The following ZBP1 variants were observed in gnomAD, a reference collection of about 807,000 sequenced individuals.
ZBP1 encodes the protein Z-DNA-binding protein 1.
ZBP1 carries 42 observed loss-of-function variants against 41.1 expected under a neutral mutation model. That is an observed-to-expected ratio of 1.02 (90% CI 0.80 to 1.32). The LOEUF (loss-of-function observed/expected upper bound fraction) is 1.32, where lower values mean the gene tolerates loss of function less well. Ranked by LOEUF, ZBP1 falls within the 40% of genes most tolerant of loss-of-function variation. ZBP1 has a pLI of 0.00. For synonymous variants in ZBP1, 214 were observed against 205.2 expected (o/e 1.04, Z -0.37); for missense variants, 562 against 549.7 (o/e 1.02, Z -0.22).
chr20:57,616,528 G>T (rs2070836599), intron 1 of ZBP1, 60 bp from the exon 2 acceptor site: 2 of 1,593,538 alleles, frequency 1.3e-6, no homozygotes, highest in African/African-American at 2.7e-5. Flanking sequence ...CCACAGTTGA[G>T]CCCAGGCTGG....
rs745457406 is a variant in ZBP1 at position 57,620,249 on chromosome 20, A to G, written c.34+13T>C. 5.8e-5 allele frequency: 92 copies of G among 1,586,396 alleles called. 1 individual carries two copies. In the South Asian group the frequency reaches 1.0e-3, roughly 17 times the overall value. On this transcript the variant is annotated intron_variant, in intron 1 of 7. Coordinates refer to ENST00000371173, the MANE Select transcript of ZBP1 (RefSeq NM_030776.3). ...GAGCTACCGCTGGTCCTTGGAAGGAAGAAGTACTGTACCTTCTCTGCCCGG... is the reference window on the plus strand; with the variant it reads ...GAGCTACCGCTGGTCCTTGGAAGGAGGAAGTACTGTACCTTCTCTGCCCGG...
intron 6 of ZBP1, among the ~76,000 whole-genome samples, chr20:57,611,069 C>T (rs1009820871): frequency 6.6e-6 from 1 of 152,182 alleles, no homozygotes; most frequent in Non-Finnish European, 1.5e-5. Context: ...GTCACTGCAG[C>T]CACAGCTCCT....
intron 3 of ZBP1, 143 bp downstream of exon 3, chr20:57,615,369 T>C: frequency 3.3e-6 from 3 of 899,646 alleles, no homozygotes; most frequent in Non-Finnish European, 5.3e-6. Context: ...GGGTCTTGGC[T>C]CTGAACACTG....
chr20:57,620,192 A>G, intron 1 of ZBP1, 70 bp downstream of exon 1: 1 of 1,520,836 alleles, frequency 6.6e-7, no homozygotes, highest in South Asian at 1.2e-5. Flanking sequence ...CAAGCGAAAC[A>G]GGAGGAAAGA....
rs2070728310 is a variant in ZBP1 at position 57,613,328 on chromosome 20, C to T, written c.505G>A (p.Asp169Asn). The stretch of plus-strand genomic sequence containing the variant: ...GCTGACTTTGCTCTTCTTCCAGAAT[C>T]TTCTGCAAAATAATATTCAACTGTA... ...SKAWTIYRPE[D>N]SGRRAKSASI... Residue 169 changes from aspartate (D) to asparagine (N), a missense_variant and splice_region_variant, in exon 5 of 8, where the codon GAT (aspartate) becomes AAT (asparagine). Physicochemically the swap from Asp to Asn is conservative, Grantham distance 23 (BLOSUM62 1). Coordinates refer to ENST00000371173, the MANE Select transcript of ZBP1 (RefSeq NM_030776.3). This position sits in a 1 kb window ranked among gnomAD's most constrained non-coding sequence, Gnocchi z 4.5. The T allele has an allele frequency of 6.2e-7, 1 of 1,612,870 alleles. No homozygotes were observed. Among genetic ancestry groups the T allele is most frequent in the Non-Finnish European group, 8.5e-7 (1 of 1,179,958 alleles).
Position 57,610,211 on chromosome 20 carries a change from G to C in ZBP1, c.1031C>G (p.Pro344Arg). The C allele has an allele frequency of 1.2e-6, 2 of 1,614,154 alleles. No homozygotes were observed. Among genetic ancestry groups the C allele is most frequent in the Non-Finnish European group, 1.7e-6 (2 of 1,180,026 alleles). The change falls in exon 7 of 8, where the codon CCA (proline) becomes CGA (arginine). Residue 344 changes from proline to arginine, a missense_variant. Coordinates refer to ENST00000371173, the MANE Select transcript of ZBP1 (RefSeq NM_030776.3). The surrounding 1 kb of genome is among the most constrained non-coding windows in gnomAD (Gnocchi z 5.5). The part of the protein sequence containing the change: ...IGNSNKMSIS[P>R]GVAGPGGVAG... The stretch of plus-strand genomic sequence containing the variant: ...GACTCCTCCTGGGCCAGCCACCCCT[G>C]GGCTGATAGACATTTTGTTGCTGTT...
chr20:57,606,453 C>T (rs1427715943), intron 7 of ZBP1, among the ~76,000 whole-genome samples: 2 of 152,226 alleles, frequency 1.3e-5, no homozygotes, highest in East Asian at 1.9e-4. Context: ...GCAGGTTACC[C>T]GGAAGCTCTA....
chr20:57,604,913 GC>G (rs1264006152), intron 7 of ZBP1, 144 bp from the exon 8 acceptor site: 3 of 794,830 alleles, frequency 3.8e-6, no homozygotes, highest in Non-Finnish European at 5.9e-6. Context: ...TGAACAGGGA[GC>G]CCCACCTTTT....
intron 4 of ZBP1, among the ~76,000 whole-genome samples, chr20:57,614,223 C>T (rs985711294): frequency 2.0e-5 from 3 of 151,846 alleles, no homozygotes; most frequent in Non-Finnish European, 2.9e-5. Context: ...TTAGTAGAGA[C>T]GGGGTTTCGC....
At chr20:57,612,022 T>G in intron 5 of ZBP1, 92 bp from the exon 6 acceptor site, 2 of 1,345,442 alleles carry the variant, frequency 1.5e-6, no homozygotes, top group South Asian at 1.3e-5. Context: ...CTCTGAATTC[T>G]TCCTGGACAC....
chr20:57,609,408 C>T (rs1175810250), intron 7 of ZBP1, among the ~76,000 whole-genome samples: 1 of 152,150 alleles, frequency 6.6e-6, no homozygotes, highest in Non-Finnish European at 1.5e-5. Context: ...CTCTGCTGGG[C>T]TTAGACTGCC....
In ZBP1 at chr20:57,604,654, GT is replaced by G. The variant is rs2070451298; in HGVS notation, c.1208del (p.Asn403ThrfsTer45). 1 of 1,614,176 alleles carries G rather than the reference GT, an allele frequency of 6.2e-7. No homozygotes were observed. The highest frequency in any genetic ancestry group is 1.3e-5 in the African/African-American group (1 of 75,032). On this transcript the variant is annotated frameshift_variant, in exon 8 of 8. Transcript: ENST00000371173. LOFTEE classifies it low-confidence loss of function (END_TRUNC). ...TPKLETMTLGNRSHKAAEGSH... is the reference protein window; with the variant it reads ...TPKLETMTLGXRSHKAAEGSH... ...TGCCTTCTGCAGCTTTGTGACTCCT[GT>G]TTCCAAGAGTCATAGTTTCCAGCTT...
chr20:57,611,050 G>A (rs1358328503), intron 6 of ZBP1, among the ~76,000 whole-genome samples: 1 of 152,056 alleles, frequency 6.6e-6, no homozygotes, highest in African/African-American at 2.4e-5. Context: ...CTCTGCCTGG[G>A]GCCCTCTGGT....
intron 3 of ZBP1, 200 bp from the exon 4 acceptor site, chr20:57,615,260 C>T (rs749785335): frequency 8.6e-6 from 6 of 698,094 alleles, no homozygotes; most frequent in East Asian, 2.7e-5. Flanking sequence ...GAGTGCTCTG[C>T]GCTGGGCCTG....
In ZBP1 at chr20:57,604,234, A is replaced by T. The variant is rs1003343446; in HGVS notation, c.*339T>A. The T allele has an allele frequency of 2.4e-6, 1 of 421,578 alleles. No homozygotes were observed. Among genetic ancestry groups the T allele is most frequent in the Admixed American group, 3.4e-5 (1 of 29,770 alleles). The allele number at this position is 421,578 out of a possible 1,614,324, so 26.1% of individuals were successfully genotyped here. On this transcript the variant is annotated 3_prime_UTR_variant, in exon 8 of 8. Transcript: ENST00000371173. Reference sequence around the variant, plus strand: ...AACATTCAAACCACAGCAGGTAGCCATGATGGAAGGTAACTCCAGGCAGAT... The same window carrying T: ...AACATTCAAACCACAGCAGGTAGCCTTGATGGAAGGTAACTCCAGGCAGAT...
At chr20:57,616,090 A>G (rs2070816512) in intron 2 of ZBP1, 154 bp downstream of exon 2, 4 of 745,612 alleles carry the variant, frequency 5.4e-6, no homozygotes, top group Non-Finnish European at 8.6e-6. Context: ...TGTGAGCTCC[A>G]TCAACCAGAA....
Position 57,610,612 on chromosome 20 carries a change from G to C in ZBP1, c.875-245C>G. On this transcript the variant is annotated intron_variant, in intron 6 of 7. Transcript: ENST00000371173. The surrounding 1 kb of genome is among the most constrained non-coding windows in gnomAD (Gnocchi z 5.5). ...GCAGTGGGTCTGCCCCACTGATCCCGCCCGGCTGATCTGGACGTCAGTGTC... is the reference window on the plus strand; with the variant it reads ...GCAGTGGGTCTGCCCCACTGATCCCCCCCGGCTGATCTGGACGTCAGTGTC... The C allele has an allele frequency of 3.5e-6, 2 of 571,516 alleles. No individual in the cohort carries two copies. Among genetic ancestry groups the C allele is most frequent in the South Asian group, 4.1e-5 (2 of 48,744 alleles). The allele number at this position is 571,516 out of a possible 1,614,324, so 35.4% of individuals were successfully genotyped here. A position where few individuals can be genotyped will look rare whatever the true frequency, so the allele number is the denominator to read the frequency against.
Position 57,610,281 on chromosome 20 carries a change from T to C in ZBP1, c.961A>G (p.Arg321Gly), listed in dbSNP as rs1600729541. Reference sequence around the variant, plus strand: ...AGAAAGCACGATTTCATGTGGATTCTCTGGGCGGCTTCCCCCTCAGGGTGA... The same window carrying C: ...AGAAAGCACGATTTCATGTGGATTCCCTGGGCGGCTTCCCCCTCAGGGTGA... ...GTHPEGEAAQRIHMKSCFLED... is the reference protein window; with the variant it reads ...GTHPEGEAAQGIHMKSCFLED... The change falls in exon 7 of 8, where the codon AGA becomes GGA. Residue 321 changes from arginine to glycine, a missense_variant. Transcript: ENST00000371173. This position sits in a 1 kb window ranked among gnomAD's most constrained non-coding sequence, Gnocchi z 5.5. 6.2e-7 allele frequency: 1 copy of C among 1,614,166 alleles called. No individual in the cohort carries two copies. The highest frequency in any genetic ancestry group is 8.5e-7 in the Non-Finnish European group (1 of 1,180,008).
At chr20:57,616,149 A>T in intron 2 of ZBP1, 95 bp downstream of exon 2, 1 of 1,159,240 alleles carries the variant, frequency 8.6e-7, no homozygotes, top group Non-Finnish European at 1.3e-6. Flanking sequence ...CCCATGTGGC[A>T]GAGTTCAGAT....
Sources: allele counts gnomAD v4.1 joint callset (sites outside exome capture counted in the v4.1 genomes callset), GRCh38; gene constraint gnomAD v4.1.1; non-coding constraint Gnocchi (gnomAD v3.1); transcripts MANE v1.5; gene names NCBI Gene and HGNC (gene_info 2026-07-23, HGNC 2026-07-21).